ODAD2: variants seen among roughly 807,000 people sequenced by gnomAD.
The protein encoded by ODAD2 is outer dynein arm-docking complex subunit 2.
Under a neutral mutation model 106.8 loss-of-function variants are expected in ODAD2, and 89 were observed. The observed-to-expected ratio is 0.83, with a 90% CI of 0.70 to 0.99. The LOEUF (loss-of-function observed/expected upper bound fraction) is 0.99. ODAD2 is among the 50% of genes least tolerant of loss of function. The pLI is 0.00. For missense variants in ODAD2, 1,168 were observed against 1,238.5 expected (o/e 0.94, Z 0.85); for synonymous variants, 404 against 436.2 (o/e 0.93, Z 0.92).
chr10:27,977,829 A>G (rs1351039236), intron 7 of ODAD2, among the ~76,000 whole-genome samples: 1 of 152,182 alleles, frequency 6.6e-6, no homozygotes, highest in Non-Finnish European at 1.5e-5. Flanking sequence ...CAAATGAGAG[A>G]CCAGTACACA....
At chr10:27,937,026 AT>A (rs1439050770) in intron 14 of ODAD2, 146 bp from the exon 15 acceptor site, 1 of 735,366 alleles carries the variant, frequency 1.4e-6, no homozygotes. Flanking sequence ...AATATAATTC[AT>A]CTTTCTACTA....
At chr10:27,988,584 C>T (rs1239864533) in intron 2 of ODAD2, among the ~76,000 whole-genome samples, 1 of 152,026 alleles carries the variant, frequency 6.6e-6, no homozygotes, top group African/African-American at 2.4e-5. Context: ...GGGATCCACA[C>T]ACCTCGACCT....
chr10:27,842,705 A>C (rs1490395033), intron 19 of ODAD2, among the ~76,000 whole-genome samples: 1 of 147,154 alleles, frequency 6.8e-6, no homozygotes, highest in African/African-American at 2.7e-5. Flanking sequence ...ATATGCTGAA[A>C]GAAAAAGTCA....
At chr10:27,907,495 A>AG (rs1216855663) in intron 17 of ODAD2, among the ~76,000 whole-genome samples, 168 bp downstream of exon 17, 1 of 147,438 alleles carries the variant, frequency 6.8e-6, no homozygotes, top group Non-Finnish European at 1.5e-5. Flanking sequence ...AAAACTGACC[A>AG]GAAAAAAAGC....
chr10:27,848,151 A>G (rs1367237918), intron 19 of ODAD2, among the ~76,000 whole-genome samples: 1 of 152,236 alleles, frequency 6.6e-6, no homozygotes, highest in Admixed American at 6.5e-5. Context: ...CGGAGGCATC[A>G]CACTACCTGA....
chr10:27,939,809 T>C (rs2134129901), intron 14 of ODAD2, 88 bp downstream of exon 14: 1 of 624,094 alleles, frequency 1.6e-6, no homozygotes, highest in African/African-American at 1.9e-5. Flanking sequence ...CTGAGTCCCA[T>C]TCTCACAGAA....
chr10:27,937,949 G>GT (rs1407541709), intron 14 of ODAD2, among the ~76,000 whole-genome samples: 1 of 151,740 alleles, frequency 6.6e-6, no homozygotes, highest in Non-Finnish European at 1.5e-5. Context: ...GAGGTTTTTT[G>GT]TTTTTTGTTT....
At chr10:27,870,427 C>G (rs1196162906) in intron 17 of ODAD2, among the ~76,000 whole-genome samples, 1 of 152,000 alleles carries the variant, frequency 6.6e-6, no homozygotes, top group African/African-American at 2.4e-5. Context: ...CATATGCATA[C>G]ATGTGCCATG....
At chr10:27,943,403 T>C (rs1285519019) in intron 12 of ODAD2, among the ~76,000 whole-genome samples, 2 of 152,290 alleles carry the variant, frequency 1.3e-5, no homozygotes, top group East Asian at 3.9e-4. Context: ...TAGGTACATC[T>C]TTAAAAACTG....
In ODAD2 at chr10:27,971,272, C is replaced by T. The variant is rs769554961; in HGVS notation, c.978G>A (p.Gln326=). Reference sequence around the variant, plus strand: ...CTTCCTTCTTGGGGGCTTTGCCAAGCTGATCCTTTTCCTTTTGCTGGTCTT... The same window carrying T: ...CTTCCTTCTTGGGGGCTTTGCCAAGTTGATCCTTTTCCTTTTGCTGGTCTT... ...FSEDQQKEKD[Q]LGKAPKKEEA... Residue 326 remains glutamine (Q), a synonymous_variant, in exon 8 of 20, where the codon CAG becomes CAA. Coordinates refer to ENST00000305242, the MANE Select transcript of ODAD2 (RefSeq NM_018076.5). 1.2e-5 allele frequency: 20 copies of T among 1,612,930 alleles called. No individual in the cohort carries two copies. The highest frequency in any genetic ancestry group is 1.5e-5 in the Non-Finnish European group (18 of 1,179,534).
chr10:27,897,689 C>T (rs545406285), intron 17 of ODAD2, among the ~76,000 whole-genome samples: 114 of 152,128 alleles, frequency 7.5e-4, no homozygotes, highest in South Asian at 5.0e-3. Flanking sequence ...TTCGTGTTGC[C>T]GCAATGATAA....
chr10:27,870,656 A>T (rs11006751), intron 17 of ODAD2, among the ~76,000 whole-genome samples: 5 of 151,880 alleles, frequency 3.3e-5, no homozygotes, highest in African/African-American at 1.2e-4. Flanking sequence ...TTTCCAGCTT[A>T]ATCCATGTCC....
intron 6 of ODAD2, among the ~76,000 whole-genome samples, chr10:27,983,062 C>T (rs936058552): frequency 2.6e-5 from 4 of 152,206 alleles, no homozygotes; most frequent in African/African-American, 9.7e-5. Flanking sequence ...GGCCCACTGT[C>T]CCTGTTAGAG....
At position 27,812,226 on chromosome 10, in the gene ODAD2, T is replaced by A. The variant is rs147105160; in HGVS notation, c.*286A>T. The A allele has an allele frequency of 1.2e-4, 43 of 345,926 alleles. No individual in the cohort carries two copies. In the East Asian group the frequency reaches 2.4e-3, roughly 19 times the overall value. The allele number at this position is 345,926 out of a possible 1,614,324, so 21.4% of individuals were successfully genotyped here. On this transcript the variant is annotated 3_prime_UTR_variant, in exon 20 of 20. Transcript: ENST00000305242. ...CACAAATACAAAAGCATCACTGAAC[T>A]AAAAATACATCATATACGTATATTC...
chr10:27,989,832 G>A (rs1262500638), intron 2 of ODAD2, among the ~76,000 whole-genome samples: 1 of 152,144 alleles, frequency 6.6e-6, no homozygotes, highest in Non-Finnish European at 1.5e-5. Context: ...CTGAGTGACA[G>A]AGTGAGACCC....
At chr10:27,944,578 C>A in intron 11 of ODAD2, 147 bp from the exon 12 acceptor site, 1 of 846,454 alleles carries the variant, frequency 1.2e-6, no homozygotes, top group Non-Finnish European at 1.8e-6. Flanking sequence ...GGCATATTCT[C>A]TTTCATTTAA....
intron 19 of ODAD2, among the ~76,000 whole-genome samples, chr10:27,848,677 ATCCAG>A (rs1261362686): frequency 1.3e-5 from 2 of 152,248 alleles, no homozygotes; most frequent in African/African-American, 4.8e-5. Flanking sequence ...AAGGGCTAAT[ATCCAG>A]AATCTACAAA....
intron 14 of ODAD2, among the ~76,000 whole-genome samples, chr10:27,939,161 T>G (rs544385314): frequency 6.6e-6 from 1 of 152,100 alleles, no homozygotes; most frequent in Non-Finnish European, 1.5e-5. Context: ...ACACACGCAT[T>G]CCTCTGGCTA....
chr10:27,872,605 T>A (rs140819201), intron 17 of ODAD2, among the ~76,000 whole-genome samples: 4,278 of 152,268 alleles, frequency 0.028, 212 homozygotes, highest in African/African-American at 0.097. Flanking sequence ...CTGCATCCAT[T>A]GAGATAATCA....
Sources: allele counts gnomAD v4.1 joint callset (sites outside exome capture counted in the v4.1 genomes callset), GRCh38; gene constraint gnomAD v4.1.1; transcripts MANE v1.5; gene names NCBI Gene and HGNC (gene_info 2026-07-23, HGNC 2026-07-21).